The following ERC1 variants were observed in gnomAD, a reference collection of about 807,000 sequenced individuals.
ERC1 encodes the protein ELKS/RAB6-interacting/CAST family member 1, also known as RAB6 interacting protein 2.
ERC1 carries 56 observed loss-of-function variants against 132.0 expected under a neutral mutation model. The observed-to-expected ratio is 0.42, with a 90% CI of 0.34 to 0.53. The LOEUF is 0.53. Among genes scored for constraint, ERC1 ranks in the 20% least tolerant of loss-of-function variants. The pLI is 0.03. For synonymous variants in ERC1, 478 were observed against 476.1 expected (o/e 1.00, Z -0.05); for missense variants, 1,202 against 1,349.9 (o/e 0.89, Z 1.72).
At chr12:1,461,633 CT>C (rs1381135367) in intron 18 of ERC1, among the ~76,000 whole-genome samples, 1 of 152,152 alleles carries the variant, frequency 6.6e-6, no homozygotes, top group Non-Finnish European at 1.5e-5. Context: ...CACCATTGCA[CT>C]CCAGCCTGGG....
chr12:1,195,776 G>A (rs1956162045), intron 12 of ERC1, among the ~76,000 whole-genome samples: 1 of 151,106 alleles, frequency 6.6e-6, no homozygotes, highest in Admixed American at 6.6e-5. Flanking sequence ...TGTTATGTGA[G>A]ATAGGACAAT....
At chr12:1,414,376 C>G (rs2092003667) in intron 17 of ERC1, among the ~76,000 whole-genome samples, 1 of 152,158 alleles carries the variant, frequency 6.6e-6, no homozygotes, top group Non-Finnish European at 1.5e-5. Flanking sequence ...CAAGCTGTCT[C>G]GTGGTGTTTC....
intron 13 of ERC1, among the ~76,000 whole-genome samples, chr12:1,262,633 G>T (rs2077212584): frequency 6.6e-6 from 1 of 152,210 alleles, no homozygotes; most frequent in African/African-American, 2.4e-5. Flanking sequence ...AGGCTTAACT[G>T]CAGGGAAAGA....
chr12:1,223,255 G>C (rs1191283044), intron 12 of ERC1, among the ~76,000 whole-genome samples: 1 of 152,182 alleles, frequency 6.6e-6, no homozygotes, highest in Admixed American at 6.5e-5. Context: ...GGAGTTAGGA[G>C]CATCCATAAT....
chr12:1,251,722 A>G (rs1305508141), intron 13 of ERC1, among the ~76,000 whole-genome samples: 1 of 152,110 alleles, frequency 6.6e-6, no homozygotes, highest in Non-Finnish European at 1.5e-5. Context: ...TTTGAAATGG[A>G]CTCTGTAGTA....
intron 1 of ERC1, among the ~76,000 whole-genome samples, chr12:999,463 T>G (rs944136862): frequency 6.6e-6 from 1 of 152,142 alleles, no homozygotes; most frequent in African/African-American, 2.4e-5. Context: ...GTGTGTGGTG[T>G]TCTTGATTTC....
Position 995,251 on chromosome 12 carries a change from G to T in ERC1, c.-157+3929G>T, listed in dbSNP as rs1315410549. On this transcript the variant is annotated intron_variant, in intron 1 of 18. Coordinates refer to ENST00000360905, the MANE Select transcript of ERC1 (RefSeq NM_178040.4). ...CAGCCTGGGCGACAGAGTGAGGGAA[G>T]GCTATCTCAAATAAATAATAAATAA... 6.6e-5 allele frequency among the ~76,000 whole-genome samples: 10 copies of T among 152,082 alleles called. No homozygotes were observed. The South Asian group carries it at 2.1e-3, about 32-fold the overall frequency.
intron 18 of ERC1, among the ~76,000 whole-genome samples, chr12:1,482,588 A>G (rs367888256): frequency 1.1e-4 from 17 of 152,190 alleles, no homozygotes; most frequent in African/African-American, 3.9e-4. Context: ...CTGGGATTAC[A>G]GGCACCTGCC....
rs567685986 is a variant in ERC1 at position 1,160,324 on chromosome 12, T to C, written c.1737+18537T>C. 1.1e-4 allele frequency among the ~76,000 whole-genome samples: 17 copies of C among 152,286 alleles called. 1 individual carries two copies. The highest frequency in any genetic ancestry group is 6.5e-4 in the Admixed American group (10 of 15,304). ...TATCCATCACAACAATTCTAAAAGC[T>C]TTTTTTGTTGCCTGTAGAATTTTTT... On this transcript the variant is annotated intron_variant, in intron 8 of 18. Coordinates refer to ENST00000360905, the MANE Select transcript of ERC1 (RefSeq NM_178040.4).
intron 15 of ERC1, among the ~76,000 whole-genome samples, chr12:1,341,495 A>G (rs990033481): frequency 6.6e-6 from 1 of 152,172 alleles, no homozygotes; most frequent in Non-Finnish European, 1.5e-5. Context: ...AAAAAGGATG[A>G]GTTCATGTCC....
intron 1 of ERC1, among the ~76,000 whole-genome samples, chr12:1,017,106 C>T (rs923908245): frequency 2.0e-5 from 3 of 152,150 alleles, no homozygotes; most frequent in Non-Finnish European, 4.4e-5. Context: ...AAGTGATTCT[C>T]CTGCCTCAGC....
intron 1 of ERC1, among the ~76,000 whole-genome samples, chr12:996,553 A>T (rs1367239373): frequency 3.9e-5 from 6 of 152,094 alleles, no homozygotes; most frequent in African/African-American, 1.4e-4. Flanking sequence ...GTGTATAGCC[A>T]CTGCACTCCA....
intron 12 of ERC1, among the ~76,000 whole-genome samples, chr12:1,214,927 C>A (rs1958255052): frequency 6.6e-6 from 1 of 152,174 alleles, no homozygotes; most frequent in African/African-American, 2.4e-5. Context: ...ACCTAGAGCT[C>A]TTTAGCCCTT....
chr12:1,076,279 A>G (rs1323573335), intron 2 of ERC1, among the ~76,000 whole-genome samples: 1 of 152,190 alleles, frequency 6.6e-6, no homozygotes, highest in African/African-American at 2.4e-5. Flanking sequence ...TCAAATATTG[A>G]ATAAACCTAG....
At chr12:1,448,001 T>A (rs1327544255) in intron 18 of ERC1, among the ~76,000 whole-genome samples, 1 of 152,130 alleles carries the variant, frequency 6.6e-6, no homozygotes, top group Non-Finnish European at 1.5e-5. Context: ...GTATTTTCAA[T>A]ATGCCTAGAT....
chr12:1,476,840 A>G (rs1453741474), intron 18 of ERC1, among the ~76,000 whole-genome samples: 1 of 152,256 alleles, frequency 6.6e-6, no homozygotes, highest in Non-Finnish European at 1.5e-5. Context: ...TATAGTAATG[A>G]AAACGAGAAC....
rs142350281 is a variant in ERC1 at position 1,110,217 on chromosome 12, G to A, written c.1187G>A (p.Arg396His). ...GATTCAAAAATTTCCTCTATGGAGC[G>A]TGGGCTTCGAGACCTGGAAGAGGAA... ...MKDSKISSME[R>H]GLRDLEEEIQ... The change falls in exon 5 of 19, where the codon CGT (arginine) becomes CAT (histidine). Residue 396 changes from arginine (R) to histidine (H), a missense_variant. Coordinates refer to ENST00000360905, the MANE Select transcript of ERC1 (RefSeq NM_178040.4). 1.1e-5 allele frequency: 17 copies of A among 1,612,422 alleles called. No homozygotes were observed. The highest frequency in any genetic ancestry group is 6.7e-5 in the African/African-American group (5 of 74,794).
At chr12:1,488,681 C>A (rs1288918660) in intron 18 of ERC1, among the ~76,000 whole-genome samples, 2 of 152,230 alleles carry the variant, frequency 1.3e-5, no homozygotes, top group East Asian at 1.9e-4. Flanking sequence ...ATGTTCTTAA[C>A]TAGACTTTAT....
intron 1 of ERC1, among the ~76,000 whole-genome samples, chr12:1,003,047 T>A (rs1962724799): frequency 7.8e-6 from 1 of 128,508 alleles, no homozygotes; most frequent in South Asian, 2.6e-4. Context: ...GTCCAGGAGT[T>A]CGAGACCAGC....
Sources: gnomAD v4.1 joint callset for allele counts (sites outside exome capture counted in the v4.1 genomes callset) on GRCh38, gnomAD v4.1.1 for gene constraint, MANE v1.5 for transcripts, NCBI Gene and HGNC (gene_info 2026-07-23, HGNC 2026-07-21) for gene names.